Variants in GRAMD1B observed in about 807,000 individuals in gnomAD.
GRAMD1B encodes the protein protein Aster-B.
A neutral mutation model predicts 99.7 loss-of-function variants in GRAMD1B; 37 were observed. The observed-to-expected ratio is 0.37, with a 90% CI of 0.29 to 0.49. GRAMD1B has a LOEUF of 0.49. Among genes scored for constraint, GRAMD1B ranks in the 20% least tolerant of loss-of-function variants. The pLI is 0.98. For synonymous variants in GRAMD1B, 427 were observed against 387.6 expected (o/e 1.10, Z -1.19); for missense variants, 888 against 1,009.2 (o/e 0.88, Z 1.63).
intron 2 of GRAMD1B, among the ~76,000 whole-genome samples, chr11:123,500,082 C>A (rs530056159): frequency 3.3e-4 from 50 of 152,298 alleles, no homozygotes; most frequent in African/African-American, 1.1e-3. Flanking sequence ...AATCCCAGCA[C>A]TTTGGGAGGC....
At chr11:123,545,807 C>G (rs1246761864) in intron 2 of GRAMD1B, among the ~76,000 whole-genome samples, 1 of 152,024 alleles carries the variant, frequency 6.6e-6, no homozygotes, top group Non-Finnish European at 1.5e-5. Context: ...TTTGAATAAT[C>G]TCTTATCAGC....
chr11:123,422,165 G>T (rs941627742), intron 1 of GRAMD1B, among the ~76,000 whole-genome samples: 3 of 152,096 alleles, frequency 2.0e-5, no homozygotes, highest in Admixed American at 6.6e-5. Context: ...AGAGGGATGT[G>T]GGGGGGATAC....
Position 123,502,406 on chromosome 11 carries a change from C to G in GRAMD1B, c.452+21513C>G, listed in dbSNP as rs550240913. 2.6e-5 allele frequency among the ~76,000 whole-genome samples: 4 copies of G among 152,352 alleles called. No individual in the cohort carries two copies. The East Asian group carries it at 7.7e-4, about 29-fold the overall frequency. On this transcript the variant is annotated intron_variant, in intron 2 of 19. Transcript: ENST00000635736. ...CTGGACCTAGCCCCCTCTCCCTTCCCTGCTGACCCCTTGCCCATTAATCCG... is the reference window on the plus strand; with the variant it reads ...CTGGACCTAGCCCCCTCTCCCTTCCGTGCTGACCCCTTGCCCATTAATCCG...
chr11:123,477,461 A>G (rs992177587), intron 1 of GRAMD1B, among the ~76,000 whole-genome samples: 1 of 151,652 alleles, frequency 6.6e-6, no homozygotes, highest in African/African-American at 2.4e-5. Context: ...TGCTTATACA[A>G]TTCCCTTCTT....
intron 1 of GRAMD1B, among the ~76,000 whole-genome samples, chr11:123,359,196 A>T (rs1401832078): frequency 6.6e-6 from 1 of 151,968 alleles, no homozygotes; most frequent in Non-Finnish European, 1.5e-5. Context: ...TTGCTGGCAA[A>T]AGTTTGAACT....
At chr11:123,394,979 C>G (rs980146164) in intron 1 of GRAMD1B, among the ~76,000 whole-genome samples, 5 of 152,188 alleles carry the variant, frequency 3.3e-5, no homozygotes, top group Non-Finnish European at 4.4e-5. Context: ...GTGGGGAGCC[C>G]TCATGGCCTA....
chr11:123,387,329 A>G (rs1259339263), intron 1 of GRAMD1B, among the ~76,000 whole-genome samples: 1 of 152,152 alleles, frequency 6.6e-6, no homozygotes, highest in Non-Finnish European at 1.5e-5. Context: ...AGTGGATGCC[A>G]CGCACTCCAG....
Position 123,612,851 on chromosome 11 carries a change from C to T in GRAMD1B, c.2010C>T (p.Tyr670=). The change falls in exon 15 of 20, where the codon TAC becomes TAT. Residue 670 remains tyrosine (Y), a synonymous_variant. Coordinates refer to ENST00000635736, the MANE Select transcript of GRAMD1B (RefSeq NM_001387025.1). The part of the protein sequence containing the change: ...EKNFWSGLED[Y]FRHLESELAK... ...ACTTCTGGAGTGGGCTGGAGGACTACTTCCGCCATTTAGGTGAGCACTGCA... is the reference window on the plus strand; with the variant it reads ...ACTTCTGGAGTGGGCTGGAGGACTATTTCCGCCATTTAGGTGAGCACTGCA... 1 of 1,598,826 alleles carries T rather than the reference C, an allele frequency of 6.3e-7. No homozygotes were observed. The highest frequency in any genetic ancestry group is 8.6e-7 in the Non-Finnish European group (1 of 1,166,618).
At chr11:123,562,659 G>T (rs1402689835) in intron 2 of GRAMD1B, among the ~76,000 whole-genome samples, 1 of 152,066 alleles carries the variant, frequency 6.6e-6, no homozygotes, top group Non-Finnish European at 1.5e-5. Context: ...CTGTAGTTTT[G>T]CATCTGGCCT....
Position 123,480,859 on chromosome 11 carries a change from A to G in GRAMD1B, c.418A>G (p.Ser140Gly). 2.5e-6 allele frequency: 1 copy of G among 398,692 alleles called. No homozygotes were observed. Among genetic ancestry groups the G allele is most frequent in the East Asian group, 3.6e-5 (1 of 28,014 alleles). 24.7% of individuals were successfully genotyped at this position (398,692 alleles called of 1,614,324 possible). Reference protein sequence around the residue: ...SQQSSHDDDSSRFLSPRAREE... With the variant: ...SQQSSHDDDSGRFLSPRAREE... ...GCAGAGCAGCCACGATGATGATTCT[A>G]GCAGGTTCCTGAGTCCTCGAGCGCG... Residue 140 changes from serine to glycine, a missense_variant, in exon 2 of 20, where the codon AGC becomes GGC. By Grantham distance (56) the Ser-to-Gly change is moderately conservative. Transcript: ENST00000635736.
rs920650821 is a variant in GRAMD1B, at chr11:123,608,818, A to G, written c.1657+16A>G. On this transcript the variant is annotated intron_variant, in intron 12 of 19. Transcript: ENST00000635736. ...CGCTTCTCTGGTCCGTTCTGCTGGG[A>G]CTGTACCCCCCATTCCTCCCTCTTC... The G allele has an allele frequency of 1.0e-5, 15 of 1,475,112 alleles. No individual in the cohort carries two copies. Among genetic ancestry groups the G allele is most frequent in the Non-Finnish European group, 1.4e-5 (15 of 1,083,356 alleles). 91.4% of individuals were successfully genotyped at this position (1,475,112 alleles called of 1,614,324 possible).
intron 1 of GRAMD1B, among the ~76,000 whole-genome samples, chr11:123,394,148 G>T (rs78392376): frequency 6.6e-6 from 1 of 152,120 alleles, no homozygotes; most frequent in Non-Finnish European, 1.5e-5. Context: ...TAGCAATTAC[G>T]CATGAACCAG....
chr11:123,424,806 G>A (rs144813820), intron 1 of GRAMD1B, among the ~76,000 whole-genome samples: 1 of 152,134 alleles, frequency 6.6e-6, no homozygotes, highest in Non-Finnish European at 1.5e-5. Flanking sequence ...ATTCTGCTTT[G>A]AGGGATCATG....
intron 1 of GRAMD1B, among the ~76,000 whole-genome samples, chr11:123,464,465 G>T (rs1394560378): frequency 6.6e-6 from 1 of 152,186 alleles, no homozygotes; most frequent in African/African-American, 2.4e-5. Context: ...ATACATGGCA[G>T]AAATTGGCAA....
At chr11:123,387,651 A>T (rs1346757752) in intron 1 of GRAMD1B, among the ~76,000 whole-genome samples, 1 of 152,082 alleles carries the variant, frequency 6.6e-6, no homozygotes, top group Non-Finnish European at 1.5e-5. Flanking sequence ...ATTTCCAGAC[A>T]TCTCAGGGTT....
chr11:123,456,391 G>C (rs1006230002), intron 1 of GRAMD1B, among the ~76,000 whole-genome samples: 2 of 152,120 alleles, frequency 1.3e-5, no homozygotes, highest in Admixed American at 1.3e-4. Context: ...CAGCAAACTC[G>C]AGTTTTATTC....
chr11:123,578,850 G>A (rs1949026465), intron 3 of GRAMD1B, among the ~76,000 whole-genome samples: 1 of 152,222 alleles, frequency 6.6e-6, no homozygotes, highest in Non-Finnish European at 1.5e-5. Context: ...CAGCAGTGGT[G>A]AGTGAGGATG....
At chr11:123,467,394 C>CTTTTTTTTTTT (rs11447711) in intron 1 of GRAMD1B, among the ~76,000 whole-genome samples, 1 of 103,338 alleles carries the variant, frequency 9.7e-6, no homozygotes, top group Admixed American at 1.2e-4. Context: ...TTTTCAACAC[C>CTTTTTTTTTTT]TTTTTTTTTT....
chr11:123,482,140 A>T (rs766925824), intron 2 of GRAMD1B, among the ~76,000 whole-genome samples: 39 of 151,728 alleles, frequency 2.6e-4, no homozygotes, highest in Non-Finnish European at 5.3e-4. Flanking sequence ...GCTCTGTCAC[A>T]TAGGCTGGAG....
Sources: gnomAD v4.1 joint callset for allele counts (sites outside exome capture counted in the v4.1 genomes callset) on GRCh38, gnomAD v4.1.1 for gene constraint, MANE v1.5 for transcripts, NCBI Gene and HGNC (gene_info 2026-07-23, HGNC 2026-07-21) for gene names.